Variants in CPAMD8 observed in about 807,000 individuals in gnomAD.
CPAMD8 encodes C3 and PZP-like alpha-2-macroglobulin domain-containing protein 8.
In CPAMD8, 146 loss-of-function variants were observed where a neutral mutation model predicts 224.7. The observed-to-expected ratio is 0.65, with a 90% CI of 0.57 to 0.75. The LOEUF (loss-of-function observed/expected upper bound fraction) is 0.75, where lower values mean the gene tolerates loss of function less well. Among genes scored for constraint, CPAMD8 ranks in the 30% least tolerant of loss-of-function variants. The pLI is 0.00. For synonymous variants in CPAMD8, 966 were observed against 1,044.6 expected (o/e 0.92, Z 1.45); for missense variants, 2,301 against 2,537.5 (o/e 0.91, Z 2.00).
intron 41 of CPAMD8, 29 bp downstream of exon 41, chr19:16,896,147 C>G (rs761293554): frequency 1.9e-6 from 3 of 1,612,394 alleles, no homozygotes; most frequent in Non-Finnish European, 2.5e-6. Flanking sequence ...GCCTATGTCT[C>G]TTATCTCTGG....
In CPAMD8 at chr19:16,947,283, C is replaced by CT. The variant is rs2054137756; in HGVS notation, c.2509-57dup. The CT allele has an allele frequency of 2.6e-6, 4 of 1,566,444 alleles. No homozygotes were observed. In the Admixed American group the frequency reaches 7.0e-5, roughly 28 times the overall value. ...TGGAATCCAGACCCCCTCCCAGTGCCTGGAGGCCCAACACACATCCCACCA... is the reference window on the plus strand; with the variant it reads ...TGGAATCCAGACCCCCTCCCAGTGCCTTGGAGGCCCAACACACATCCCACCA... On this transcript the variant is annotated intron_variant, in intron 20 of 41. Coordinates refer to ENST00000443236, the MANE Select transcript of CPAMD8 (RefSeq NM_015692.5).
chr19:16,896,683 C>A lies in CPAMD8; in HGVS notation c.5066-18G>T. ...GAACCAGCCTGGGGGACGAGGCAGG[C>A]TCGACAGACCCCCCACCCTGAACCT... On this transcript the variant is annotated intron_variant, in intron 39 of 41. Coordinates refer to ENST00000443236, the MANE Select transcript of CPAMD8 (RefSeq NM_015692.5). 1.4e-6 allele frequency: 2 copies of A among 1,415,282 alleles called. No individual in the cohort carries two copies. The highest frequency in any genetic ancestry group is 1.5e-5 in the South Asian group (1 of 68,456). The allele number at this position is 1,415,282 out of a possible 1,614,324, so 87.7% of individuals were successfully genotyped here.
rs189180253 is a variant in CPAMD8, at chr19:16,966,187, A to G, written c.2213+4704T>C. Among the ~76,000 whole-genome samples the G allele has an allele frequency of 1.7e-3, 256 of 152,222 alleles. 2 individuals are homozygous for G. The Middle Eastern group carries it at 0.017, about 10-fold the overall frequency. The stretch of plus-strand genomic sequence containing the variant: ...GAACAGAGGCCTCAGAAATAACACC[A>G]CGCATCTACAACCATCTGATCTTTG... On this transcript the variant is annotated intron_variant, in intron 18 of 41. Transcript: ENST00000443236.
At chr19:17,015,736 C>T (rs749534352) in intron 3 of CPAMD8, among the ~76,000 whole-genome samples, 1 of 152,186 alleles carries the variant, frequency 6.6e-6, no homozygotes, top group Non-Finnish European at 1.5e-5. Flanking sequence ...GGAAAGGTCC[C>T]GGCCACCCAA....
chr19:16,973,827 C>CTTTTTTT (rs559363114), intron 17 of CPAMD8, among the ~76,000 whole-genome samples: 1 of 118,328 alleles, frequency 8.5e-6, no homozygotes, highest in Non-Finnish European at 1.7e-5. Context: ...AGCATTAGCC[C>CTTTTTTT]TTTTTTTTTT....
chr19:17,021,229 T>A (rs1158566322), intron 2 of CPAMD8, among the ~76,000 whole-genome samples: 6 of 152,134 alleles, frequency 3.9e-5, no homozygotes, highest in Admixed American at 3.9e-4. Context: ...GCAATACCAG[T>A]GGACTTTCTT....
intron 1 of CPAMD8, 33 bp downstream of exon 1, chr19:17,026,518 G>C: frequency 6.8e-7 from 1 of 1,467,072 alleles, no homozygotes. Context: ...CCCAGAAGGC[G>C]ACCGACCTCC....
At chr19:16,910,007 G>A (rs983049905) in intron 29 of CPAMD8, among the ~76,000 whole-genome samples, 5 of 132,036 alleles carry the variant, frequency 3.8e-5, no homozygotes. Flanking sequence ...ACGTGCCATG[G>A]TGCCTGGCTG....
chr19:16,989,645 G>A lies in CPAMD8; in HGVS notation c.1393C>T (p.Gln465Ter). Residue 465 changes from glutamine to a stop codon, truncating the protein, a stop_gained and splice_region_variant, in exon 13 of 42, where the codon CAG becomes TAG. Transcript: ENST00000443236. LOFTEE classifies it high-confidence loss of function. ...LQLQPPSHPL[Q>*]VGEEAYFSVK... is the part of the protein sequence containing the mutation. ...AGGGTAGCTCCTGAAAATCTTACCT[G>A]CAGTGGGTGGGAGGGTGGCTGCAGC... The A allele has an allele frequency of 6.2e-7, 1 of 1,613,442 alleles. No homozygotes were observed. Among genetic ancestry groups the A allele is most frequent in the Non-Finnish European group, 8.5e-7 (1 of 1,179,614 alleles).
intron 29 of CPAMD8, among the ~76,000 whole-genome samples, chr19:16,910,953 G>C (rs1322749366): frequency 6.6e-6 from 1 of 152,212 alleles, no homozygotes; most frequent in Non-Finnish European, 1.5e-5. Context: ...GAGGGAGCAA[G>C]GGCCTGCCAA....
rs769350035 is a variant in CPAMD8 at position 16,914,790 on chromosome 19, G to C, written c.3653C>G (p.Ser1218Cys). Residue 1218 changes from serine to cysteine, a missense_variant, in exon 28 of 42, where the codon TCC (serine) becomes TGC (cysteine). By Grantham distance (112) the Ser-to-Cys change is moderately radical (BLOSUM62 -1). Transcript: ENST00000443236. ...SMWLTAFVLK[S>C]FAQARSFIFV... ...GATAAAGCTGCGAGCCTGTGCGAAG[G>C]ACTTCAGGACAAAGGCTGTGAGCCT... The C allele has an allele frequency of 1.4e-5, 22 of 1,612,602 alleles. No homozygotes were observed. In the South Asian group the frequency reaches 2.1e-4, roughly 15 times the overall value.
chr19:16,977,508 C>T lies in CPAMD8; in HGVS notation c.1618G>A (p.Val540Met), dbSNP rs375947554. ...PPPAPEAEVD[V>M]CVTSLHLAVT... is the part of the protein sequence containing the mutation. ...GCCAGATGAAGAGAGGTCACACACA[C>T]GTCGACCTCAGCTTCTGGGGCTGGT... Residue 540 changes from valine to methionine, a missense_variant, in exon 15 of 42, where the codon GTG (valine) becomes ATG (methionine). Physicochemically the swap from Val to Met is conservative, Grantham distance 21 (BLOSUM62 1). Around this residue, in one of 4 missense-constraint regions of CPAMD8, gnomAD observed 301 missense variants for 406.6 expected, o/e 0.74. Coordinates refer to ENST00000443236, the MANE Select transcript of CPAMD8 (RefSeq NM_015692.5). 419 of 1,605,738 alleles carry T rather than the reference C, an allele frequency of 2.6e-4. No homozygotes were observed. Among genetic ancestry groups the T allele is most frequent in the Non-Finnish European group, 3.5e-4 (416 of 1,177,268 alleles).
rs775925691 is a variant in CPAMD8 at position 17,008,493 on chromosome 19, G to A, written c.559+12C>T. 3 of 1,612,476 alleles carry A rather than the reference G, an allele frequency of 1.9e-6. No individual in the cohort carries two copies. Among genetic ancestry groups the A allele is most frequent in the Non-Finnish European group, 2.5e-6 (3 of 1,179,986 alleles). ...CATCTGCAGCCCCCAAGCCGCAGAG[G>A]AAGAAACTTACCGCAGCAGAACGGC... On this transcript the variant is annotated intron_variant, in intron 7 of 41. Coordinates refer to ENST00000443236, the MANE Select transcript of CPAMD8 (RefSeq NM_015692.5).
chr19:16,945,416 G>C, intron 22 of CPAMD8, 133 bp downstream of exon 22: 3 of 1,186,914 alleles, frequency 2.5e-6, no homozygotes, highest in Non-Finnish European at 3.5e-6. Context: ...AGGCACCTGA[G>C]CTCTCAAGCA....
At chr19:16,907,887 G>A (rs2052585728) in intron 29 of CPAMD8, among the ~76,000 whole-genome samples, 1 of 152,148 alleles carries the variant, frequency 6.6e-6, no homozygotes, top group South Asian at 2.1e-4. Flanking sequence ...GATTACAGGA[G>A]TGAGCCACTG....
chr19:16,901,796 G>A (rs1031537507), intron 35 of CPAMD8, among the ~76,000 whole-genome samples: 1 of 152,196 alleles, frequency 6.6e-6, no homozygotes, highest in Admixed American at 6.5e-5. Flanking sequence ...TTCCTATAGG[G>A]CGTTGGGGAC....
chr19:17,015,256 A>T (rs2056779901), intron 3 of CPAMD8, among the ~76,000 whole-genome samples: 1 of 152,054 alleles, frequency 6.6e-6, no homozygotes, highest in Admixed American at 6.6e-5. Flanking sequence ...AATAAAAAAT[A>T]AAAAAAATGT....
intron 7 of CPAMD8, among the ~76,000 whole-genome samples, chr19:17,007,425 G>C (rs1281336550): frequency 2.0e-5 from 3 of 151,602 alleles, no homozygotes; most frequent in African/African-American, 7.3e-5. Flanking sequence ...AGGAGGAGAG[G>C]GGGAGGAGGA....
At chr19:16,906,386 CT>C (rs60183368) in intron 30 of CPAMD8, among the ~76,000 whole-genome samples, 11 of 75,570 alleles carry the variant, frequency 1.5e-4, no homozygotes, top group Non-Finnish European at 2.7e-4. Context: ...TTCTTTCTTT[CT>C]TTCTTTCTTT....
Sources: gnomAD v4.1 joint callset for allele counts (sites outside exome capture counted in the v4.1 genomes callset) on GRCh38, gnomAD v4.1.1 for gene constraint, gnomAD v4.1.1 regional missense constraint, MANE v1.5 for transcripts, NCBI Gene and HGNC (gene_info 2026-07-23, HGNC 2026-07-21) for gene names.